PARD3: variants seen among roughly 807,000 people sequenced by gnomAD.
PARD3 encodes the protein par-3 family cell polarity regulator, also known as partitioning defective 3 homolog.
A neutral mutation model predicts 155.4 loss-of-function variants in PARD3; 75 were observed. The observed-to-expected ratio is 0.48, with a 90% CI of 0.40 to 0.58. The LOEUF (loss-of-function observed/expected upper bound fraction) is 0.58, where lower values mean the gene tolerates loss of function less well. Ranked by LOEUF, PARD3 falls within the 20% of genes least tolerant of loss-of-function variation. The pLI is 0.00. For synonymous variants in PARD3, 576 were observed against 610.5 expected (o/e 0.94, Z 0.83); for missense variants, 1,642 against 1,721.7 (o/e 0.95, Z 0.82).
intron 2 of PARD3, among the ~76,000 whole-genome samples, chr10:34,529,311 A>C (rs888751158): frequency 4.6e-5 from 7 of 152,222 alleles, no homozygotes; most frequent in African/African-American, 1.7e-4. Flanking sequence ...CCACTTTCAA[A>C]GGATTTTGAG....
intron 2 of PARD3, among the ~76,000 whole-genome samples, chr10:34,640,772 C>G (rs534227821): frequency 8.7e-5 from 12 of 137,958 alleles, no homozygotes; most frequent in South Asian, 7.3e-4. Context: ...AACACCTATC[C>G]AAACTTTAAA....
intron 1 of PARD3, among the ~76,000 whole-genome samples, chr10:34,788,765 A>G (rs2134228053): frequency 6.6e-6 from 1 of 152,262 alleles, no homozygotes; most frequent in South Asian, 2.1e-4. Flanking sequence ...GATCAAAATG[A>G]GACTGGAGAC....
At chr10:34,288,450 C>T (rs532756090) in intron 20 of PARD3, among the ~76,000 whole-genome samples, 13 of 152,140 alleles carry the variant, frequency 8.5e-5, no homozygotes, top group Admixed American at 2.0e-4. Flanking sequence ...ATACACTAGC[C>T]ATTCTAAAAT....
intron 16 of PARD3, among the ~76,000 whole-genome samples, chr10:34,338,124 T>C (rs186209788): frequency 7.9e-4 from 121 of 152,328 alleles, no homozygotes; most frequent in African/African-American, 2.8e-3. Flanking sequence ...TGAGGATGCA[T>C]AGATGAGTGA....
rs188278504 is a variant in PARD3, at chr10:34,193,025, T to C, written c.3420-61442A>G. Reference sequence around the variant, plus strand: ...GCTCCTAAAACTGATTTTTGGAGCTTTGAAGGAAATGGAAGTACTGCTAAG... The same window carrying C: ...GCTCCTAAAACTGATTTTTGGAGCTCTGAAGGAAATGGAAGTACTGCTAAG... On this transcript the variant is annotated intron_variant, in intron 22 of 24. Coordinates refer to ENST00000374788, the MANE Select transcript of PARD3 (RefSeq NM_001184785.2). 2.8e-3 allele frequency among the ~76,000 whole-genome samples: 427 copies of C among 152,326 alleles called. 2 individuals are homozygous for C. Among genetic ancestry groups the C allele is most frequent in the African/African-American group, 9.5e-3 (395 of 41,572 alleles).
At position 34,382,596 on chromosome 10, in the gene PARD3, C is replaced by T; in HGVS notation, c.1343G>A (p.Ser448Asn). The part of the protein sequence containing the change: ...APQNVFSTTV[S>N]SGYNTKKIGK... The stretch of plus-strand genomic sequence containing the variant: ...TATTTTTTTGGTGTTATAACCACTG[C>T]TTACAGTCGTACTAAATACATTCTG... Residue 448 changes from serine (S) to asparagine (N), a missense_variant, in exon 9 of 25, where the codon AGC (serine) becomes AAC (asparagine). Ser to Asn is a conservative substitution (Grantham distance 46, BLOSUM62 1). Coordinates refer to ENST00000374788, the MANE Select transcript of PARD3 (RefSeq NM_001184785.2). The T allele has an allele frequency of 6.2e-7, 1 of 1,613,902 alleles. No individual in the cohort carries two copies. The highest frequency in any genetic ancestry group is 8.5e-7 in the Non-Finnish European group (1 of 1,180,004).
intron 15 of PARD3, 144 bp from the exon 16 acceptor site, chr10:34,341,960 C>T (rs750495724): frequency 1.5e-5 from 8 of 542,850 alleles, no homozygotes; most frequent in African/African-American, 3.9e-5. Flanking sequence ...GAATTTAGCA[C>T]ATTTATTTTT....
chr10:34,372,977 G>A (rs1175714218), intron 11 of PARD3, among the ~76,000 whole-genome samples: 1 of 151,806 alleles, frequency 6.6e-6, no homozygotes, highest in Non-Finnish European at 1.5e-5. Flanking sequence ...ATGTTGCACA[G>A]GAAATAAACA....
intron 1 of PARD3, among the ~76,000 whole-genome samples, chr10:34,811,715 T>C (rs756454853): frequency 2.2e-4 from 33 of 152,232 alleles, no homozygotes; most frequent in Non-Finnish European, 4.4e-4. Flanking sequence ...TTCAGTCTTA[T>C]ATTTTTTTCA....
chr10:34,641,522 A>G (rs2132946863), intron 2 of PARD3, among the ~76,000 whole-genome samples: 2 of 152,318 alleles, frequency 1.3e-5, no homozygotes, highest in South Asian at 4.1e-4. Flanking sequence ...AGTAAAAGGC[A>G]CTGCATGAAA....
At chr10:34,785,695 T>A (rs1265764699) in intron 1 of PARD3, among the ~76,000 whole-genome samples, 2 of 152,252 alleles carry the variant, frequency 1.3e-5, no homozygotes, top group South Asian at 2.1e-4. Context: ...AGAGATCACA[T>A]CACTAATGTG....
At chr10:34,625,286 T>C (rs1238160127) in intron 2 of PARD3, among the ~76,000 whole-genome samples, 1 of 152,216 alleles carries the variant, frequency 6.6e-6, no homozygotes, top group East Asian at 1.9e-4. Flanking sequence ...ATGAGTACAG[T>C]CGGCAGCAAT....
At chr10:34,435,636 A>G (rs1174809104) in intron 5 of PARD3, among the ~76,000 whole-genome samples, 1 of 152,238 alleles carries the variant, frequency 6.6e-6, no homozygotes, top group Admixed American at 6.5e-5. Context: ...CGAGAAAAAC[A>G]TAGTATGTTT....
At position 34,640,708 on chromosome 10, in the gene PARD3, CAAAAAAAAAAA is replaced by C. The variant is rs59111039; in HGVS notation, c.222+55599_222+55609del. Among the ~76,000 whole-genome samples the C allele has an allele frequency of 5.7e-3, 136 of 24,026 alleles. 3 individuals carry two copies. Among genetic ancestry groups the C allele is most frequent in the African/African-American group, 0.014 (115 of 8,232 alleles). 15.8% of individuals were successfully genotyped at this position (24,026 alleles called of 152,430 possible). On this transcript the variant is annotated intron_variant, in intron 2 of 24. Transcript: ENST00000374788. ...TGGACAACAGAGTGAGACTCCATCT[CAAAAAAAAAAA>C]AAAAAAAAAAAAAAAAAGCACTTTT...
chr10:34,398,435 T>C (rs1233542037), intron 7 of PARD3, among the ~76,000 whole-genome samples: 2 of 151,730 alleles, frequency 1.3e-5, no homozygotes, highest in African/African-American at 4.8e-5. Context: ...TTTCGCACCA[T>C]GTAAAGAAAG....
At chr10:34,238,561 T>C (rs1300984292) in intron 22 of PARD3, among the ~76,000 whole-genome samples, 3 of 151,934 alleles carry the variant, frequency 2.0e-5, no homozygotes, top group Non-Finnish European at 4.4e-5. Flanking sequence ...CAACAATCGG[T>C]TTTGACTAAG....
chr10:34,501,359 C>T (rs1026444823), intron 3 of PARD3, among the ~76,000 whole-genome samples: 1 of 152,074 alleles, frequency 6.6e-6, no homozygotes, highest in African/African-American at 2.4e-5. Flanking sequence ...TGTGACGTGC[C>T]TCCTCCCCCT....
chr10:34,637,839 C>T (rs2092537461), intron 2 of PARD3, among the ~76,000 whole-genome samples: 1 of 152,244 alleles, frequency 6.6e-6, no homozygotes, highest in African/African-American at 2.4e-5. Flanking sequence ...TCTTCTACAA[C>T]TTCCATGCAC....
At chr10:34,306,377 C>A (rs138190958) in intron 20 of PARD3, among the ~76,000 whole-genome samples, 2 of 152,068 alleles carry the variant, frequency 1.3e-5, no homozygotes, top group Non-Finnish European at 2.9e-5. Context: ...CCGGGCCAGG[C>A]GTGGCAGCTC....
Sources: allele counts gnomAD v4.1 joint callset (sites outside exome capture counted in the v4.1 genomes callset), GRCh38; gene constraint gnomAD v4.1.1; transcripts MANE v1.5; gene names NCBI Gene and HGNC (gene_info 2026-07-23, HGNC 2026-07-21).